Variants in SFI1 observed in about 807,000 individuals in gnomAD.
SFI1 encodes the protein SFI1 centrin binding protein.
SFI1 carries 195 observed loss-of-function variants against 207.5 expected under a neutral mutation model. That is an observed-to-expected ratio of 0.94 (90% CI 0.84 to 1.06). SFI1 has a LOEUF of 1.06. Ranked by LOEUF, SFI1 falls within the 50% of genes least tolerant of loss-of-function variation. The pLI, the probability that SFI1 is intolerant of heterozygous loss-of-function variation, is 0.00. For missense variants in SFI1, 1,634 were observed against 1,588.0 expected (o/e 1.03, Z -0.49); for synonymous variants, 630 against 598.9 (o/e 1.05, Z -0.76).
intron 15 of SFI1, among the ~76,000 whole-genome samples, chr22:31,595,406 A>G (rs536846621): frequency 2.6e-5 from 4 of 152,358 alleles, no homozygotes; most frequent in African/African-American, 9.6e-5. Flanking sequence ...TGGCATCATT[A>G]TCTTCATTAA....
chr22:31,614,705 T>G, intron 27 of SFI1, 84 bp from the exon 28 acceptor site: 1 of 1,489,738 alleles, frequency 6.7e-7, no homozygotes, highest in Non-Finnish European at 9.3e-7. Context: ...AGTCTCCCTA[T>G]AAAATTGGAG....
intron 3 of SFI1, among the ~76,000 whole-genome samples, chr22:31,529,654 G>A (rs1436505537): frequency 6.6e-6 from 1 of 152,176 alleles, no homozygotes; most frequent in African/African-American, 2.4e-5. Context: ...AGGCTTGATA[G>A]ACTCTTAAGC....
intron 8 of SFI1, among the ~76,000 whole-genome samples, chr22:31,563,708 C>T (rs1376662666): frequency 6.6e-6 from 1 of 152,170 alleles, no homozygotes; most frequent in Non-Finnish European, 1.5e-5. Context: ...GCCTCAGCCT[C>T]CCAAGTAGCT....
In SFI1 at chr22:31,525,684, T is replaced by C. The variant is rs116999233; in HGVS notation, c.93-3006T>C. On this transcript the variant is annotated intron_variant, in intron 2 of 32. Transcript: ENST00000400288. ...GTGAGCCGTGATTGCATCACTGTAT[T>C]CCAGTGGGGCAACAGAATGAGACTC... Among the ~76,000 whole-genome samples the C allele has an allele frequency of 3.9e-5, 6 of 152,148 alleles. No homozygotes were observed. The East Asian group carries it at 1.2e-3, about 29-fold the overall frequency.
chr22:31,611,594 G>A (rs1447505334), intron 23 of SFI1, among the ~76,000 whole-genome samples, 172 bp from the exon 24 acceptor site: 2 of 152,222 alleles, frequency 1.3e-5, no homozygotes, highest in Admixed American at 1.3e-4. Flanking sequence ...GACCTACAGA[G>A]TGAGTCCTCT....
chr22:31,548,822 T>G (rs184230836), intron 5 of SFI1, among the ~76,000 whole-genome samples: 1 of 151,058 alleles, frequency 6.6e-6, no homozygotes, highest in Non-Finnish European at 1.5e-5. Flanking sequence ...AAAAAAAAAA[T>G]TCTTTTTTAA....
chr22:31,613,226 G>T lies in SFI1; in HGVS notation c.2565+10G>T. 6.2e-7 allele frequency: 1 copy of T among 1,613,508 alleles called. No individual in the cohort carries two copies. Among genetic ancestry groups the T allele is most frequent in the Non-Finnish European group, 8.5e-7 (1 of 1,179,956 alleles). ...CTCGCTGCAGGCAAAGGTAATTGGG[G>T]CTCTGCATCCTACCATCCCTGCCTC... On this transcript the variant is annotated intron_variant, in intron 25 of 32. Transcript: ENST00000400288.
intron 15 of SFI1, among the ~76,000 whole-genome samples, chr22:31,595,736 TGA>T (rs2067006186): frequency 6.6e-6 from 1 of 151,694 alleles, no homozygotes; most frequent in Non-Finnish European, 1.5e-5. Flanking sequence ...TTCCTGTGAG[TGA>T]GAGGGTGAGG....
At chr22:31,602,108 A>G in intron 15 of SFI1, 104 bp from the exon 16 acceptor site, 6 of 952,492 alleles carry the variant, frequency 6.3e-6, no homozygotes, top group South Asian at 4.1e-5. Context: ...CTTATACGAT[A>G]GCATGGTATA....
At chr22:31,612,416 T>C (rs1241705078) in intron 24 of SFI1, 2 of 129,768 alleles carry the variant, frequency 1.5e-5, no homozygotes, top group African/African-American at 5.8e-5. Context: ...TATATATATA[T>C]ATATATATAT....
chr22:31,544,515 G>T (rs1381223515), intron 4 of SFI1, among the ~76,000 whole-genome samples: 2 of 152,068 alleles, frequency 1.3e-5, no homozygotes, highest in Non-Finnish European at 2.9e-5. Flanking sequence ...GATTTTGGGA[G>T]ACCAAGGGAG....
At chr22:31,568,143 C>A (rs2062516503) in intron 8 of SFI1, among the ~76,000 whole-genome samples, 3 of 103,840 alleles carry the variant, frequency 2.9e-5, no homozygotes, top group African/African-American at 3.7e-5. Context: ...TCAATATGGA[C>A]TCTCTCTCTC....
Position 31,615,102 on chromosome 22 carries a change from C to T in SFI1, c.3123C>T (p.Ser1041=), listed in dbSNP as rs544431662. Residue 1041 remains serine, a synonymous_variant, in exon 29 of 33, where the codon TCC becomes TCT. Coordinates refer to ENST00000400288, the MANE Select transcript of SFI1 (RefSeq NM_001007467.3). ...GCATGGCTCAGCCAGCAGCCCCCTC[C>T]CTGACGCGGCCCTTCCTGGCAGAGG... ...GLGMAQPAAP[S]LTRPFLAEAP... The T allele has an allele frequency of 3.2e-5, 51 of 1,605,988 alleles. No homozygotes were observed. The South Asian group carries it at 5.2e-4, about 16-fold the overall frequency.
intron 2 of SFI1, among the ~76,000 whole-genome samples, chr22:31,510,700 C>T (rs550044124): frequency 1.3e-5 from 2 of 152,306 alleles, no homozygotes; most frequent in Admixed American, 6.5e-5. Flanking sequence ...TCCCAAAGTA[C>T]TGGGATTACA....
chr22:31,535,353 C>T (rs149377138), intron 4 of SFI1, among the ~76,000 whole-genome samples: 10 of 151,662 alleles, frequency 6.6e-5, no homozygotes, highest in Admixed American at 2.6e-4. Flanking sequence ...CCACACCCAG[C>T]TAGTTTTTGT....
rs560840877 is a variant in SFI1, at chr22:31,589,451, T to C, written c.1418T>C (p.Leu473Pro). Residue 473 changes from leucine (L) to proline (P), a missense_variant, in exon 15 of 33, where the codon CTA becomes CCA. By Grantham distance (98) the Leu-to-Pro change is moderately conservative. Transcript: ENST00000400288. ...TTATTCATTCTTTTACTTTAGCTGC[T>C]ACAGGCCAGAGCGGATGGTCATTTC... The part of the protein sequence containing the change: ...YTQKRRYKQL[L>P]QARADGHFQQ... 1.2e-6 allele frequency: 2 copies of C among 1,603,176 alleles called. No individual in the cohort carries two copies. Among genetic ancestry groups the C allele is most frequent in the African/African-American group, 2.7e-5 (2 of 74,288 alleles).
chr22:31,550,978 G>A (rs1056180636), intron 6 of SFI1, among the ~76,000 whole-genome samples: 1 of 152,118 alleles, frequency 6.6e-6, no homozygotes, highest in Admixed American at 6.6e-5. Context: ...TTCTGTCTAG[G>A]AAGACTTACT....
chr22:31,583,743 G>C, intron 12 of SFI1, 132 bp from the exon 13 acceptor site: 1 of 744,122 alleles, frequency 1.3e-6, no homozygotes, highest in Admixed American at 1.9e-5. Flanking sequence ...TAATTTGTAT[G>C]CCCACTGTAT....
At chr22:31,565,328 G>A (rs1298041235) in intron 8 of SFI1, among the ~76,000 whole-genome samples, 4 of 151,856 alleles carry the variant, frequency 2.6e-5, no homozygotes, top group Non-Finnish European at 5.9e-5. Flanking sequence ...CCATCTACTC[G>A]GGAGGCTGTG....
Sources: gnomAD v4.1 joint callset for allele counts (sites outside exome capture counted in the v4.1 genomes callset) on GRCh38, gnomAD v4.1.1 for gene constraint, MANE v1.5 for transcripts, NCBI Gene and HGNC (gene_info 2026-07-23, HGNC 2026-07-21) for gene names.